The following HIBCH variants were observed in gnomAD, a reference collection of about 807,000 sequenced individuals.
The protein encoded by HIBCH is 3-hydroxyisobutyryl-CoA hydrolase, mitochondrial.
HIBCH carries 50 observed loss-of-function variants against 58.2 expected under a neutral mutation model. The observed-to-expected ratio is 0.86, with a 90% CI of 0.68 to 1.09. The LOEUF is 1.09. Ranked by LOEUF, HIBCH falls within the 50% of genes least tolerant of loss-of-function variation. The pLI is 0.00. For missense variants in HIBCH, 450 were observed against 449.7 expected, an observed-to-expected ratio of 1.00 and a Z score of -0.01; for synonymous variants, 151 against 146.9, an observed-to-expected ratio of 1.03 and a Z score of -0.20.
intron 3 of HIBCH, 86 bp from the exon 4 acceptor site, chr2:190,294,716 A>G: frequency 1.2e-6 from 1 of 825,852 alleles, no homozygotes; most frequent in Non-Finnish European, 2.1e-6. Context: ...ATATTCAATC[A>G]TATATTCATA....
At chr2:190,239,008 G>A (rs1186861738) in intron 11 of HIBCH, among the ~76,000 whole-genome samples, 2 of 152,128 alleles carry the variant, frequency 1.3e-5, no homozygotes, top group East Asian at 1.9e-4. Flanking sequence ...TGTTGCAATT[G>A]CTTTTGGTGG....
chr2:190,208,214 A>G (rs1388196770), intron 13 of HIBCH, among the ~76,000 whole-genome samples: 1 of 152,174 alleles, frequency 6.6e-6, no homozygotes, highest in Non-Finnish European at 1.5e-5. Context: ...TTTCCCCAGC[A>G]ATGTTTAACT....
chr2:190,282,843 C>CAA (rs58381283), intron 6 of HIBCH, among the ~76,000 whole-genome samples: 1 of 140,278 alleles, frequency 7.1e-6, no homozygotes, highest in African/African-American at 2.7e-5. Context: ...ACGAGAAGGC[C>CAA]AAAAAAAAAA....
chr2:190,200,266 TAATGTCACTATTATA>T (rs1300264421), downstream of HIBCH: 1 of 786,834 alleles, frequency 1.3e-6, no homozygotes. Flanking sequence ...GTGTCTACGA[TAATGTCACTATTATA>T]AGAACAACTA....
In HIBCH at chr2:190,290,479, G is replaced by A. The variant is rs747967949; in HGVS notation, c.311C>T (p.Ser104Leu). 7.5e-6 allele frequency: 12 copies of A among 1,594,450 alleles called. No individual in the cohort carries two copies. The highest frequency in any genetic ancestry group is 3.3e-5 in the South Asian group (3 of 90,640). The change falls in exon 5 of 14, where the codon TCG becomes TTG. Residue 104 changes from serine to leucine, a missense_variant. Coordinates refer to ENST00000359678, the MANE Select transcript of HIBCH (RefSeq NM_014362.4). ...FCAGGDIRVI[S>L]EAEKAKQKIA... ...CTTCTGTTTTGCCTTTTCAGCTTCC[G>A]AGATCACTAGGAAGGAAAGATTACA...
At chr2:190,253,224 T>C (rs1177471188) in intron 7 of HIBCH, among the ~76,000 whole-genome samples, 1 of 151,992 alleles carries the variant, frequency 6.6e-6, no homozygotes, top group Non-Finnish European at 1.5e-5. Flanking sequence ...GAAAATAGCA[T>C]ACATACAAGT....
intron 6 of HIBCH, among the ~76,000 whole-genome samples, chr2:190,286,444 T>C (rs1006585547): frequency 6.6e-6 from 1 of 152,074 alleles, no homozygotes; most frequent in Non-Finnish European, 1.5e-5. Context: ...CTATTGTCAA[T>C]CTGTCTTTTG....
chr2:190,230,123 A>AC (rs1686050201), intron 11 of HIBCH, among the ~76,000 whole-genome samples: 2 of 152,176 alleles, frequency 1.3e-5, no homozygotes, highest in Admixed American at 1.3e-4. Context: ...GGTCCCCTAC[A>AC]CTTTTGTAAG....
chr2:190,226,949 A>G (rs1685921401), intron 11 of HIBCH, among the ~76,000 whole-genome samples: 3 of 152,234 alleles, frequency 2.0e-5, no homozygotes, highest in Non-Finnish European at 4.4e-5. Flanking sequence ...AAATGGAAGA[A>G]CATTCCATGC....
intron 6 of HIBCH, among the ~76,000 whole-genome samples, chr2:190,271,202 C>A (rs1347507757): frequency 6.6e-6 from 1 of 151,670 alleles, no homozygotes; most frequent in Non-Finnish European, 1.5e-5. Flanking sequence ...CACATACAAT[C>A]CATCATCAAA....
At chr2:190,195,941 CTTTTTTTTTTT>C (rs35679833) in intron 1 of HIBCH, among the ~76,000 whole-genome samples, 2 of 86,210 alleles carry the variant, frequency 2.3e-5, no homozygotes, top group African/African-American at 8.3e-5. Context: ...CTGTGTCCAG[CTTTTTTTTTTT>C]TTTTTTTTTT....
At position 190,191,278 on chromosome 2, in the gene HIBCH, GACT is replaced by G. The variant is rs199876910; in HGVS notation, c.*18-1284_*18-1282del. On this transcript the variant is annotated intron_variant, in intron 1 of 1. Coordinates refer to the HIBCH transcript ENST00000399855. The stretch of plus-strand genomic sequence containing the variant: ...ATGCCTCAGCCTCCCAAGCAGCTGG[GACT>G]ACAGGTGTGCACCACTATGCCCTGC... Among the ~76,000 whole-genome samples, 130 of 152,192 alleles carry G rather than the reference GACT, an allele frequency of 8.5e-4. 2 individuals carry two copies. The East Asian group carries it at 0.021, about 24-fold the overall frequency.
At chr2:190,235,825 G>C (rs1178302259) in intron 11 of HIBCH, among the ~76,000 whole-genome samples, 1 of 152,108 alleles carries the variant, frequency 6.6e-6, no homozygotes, top group Admixed American at 6.6e-5. Context: ...ATAATAATTT[G>C]TGCCTCTACT....
In HIBCH at chr2:190,210,822, T is replaced by C. The variant is rs1397521132; in HGVS notation, c.1012-1909A>G. Reference sequence around the variant, plus strand: ...GATGCTCTTCCTCTAGATAATGGCATGGGCTCACTTCCTTACTTCTTTCAG... The same window carrying C: ...GATGCTCTTCCTCTAGATAATGGCACGGGCTCACTTCCTTACTTCTTTCAG... On this transcript the variant is annotated intron_variant, in intron 12 of 13. Transcript: ENST00000359678. The surrounding 1 kb of genome is among the most constrained non-coding windows in gnomAD (Gnocchi z 5.5). 3.9e-5 allele frequency among the ~76,000 whole-genome samples: 6 copies of C among 152,208 alleles called. No homozygotes were observed. Among genetic ancestry groups the C allele is most frequent in the African/African-American group, 1.4e-4 (6 of 41,446 alleles).
chr2:190,275,294 G>A (rs1284223417), intron 6 of HIBCH, among the ~76,000 whole-genome samples: 2 of 152,140 alleles, frequency 1.3e-5, no homozygotes. Flanking sequence ...CTACATGTAT[G>A]AAACAAAAAT....
In HIBCH at chr2:190,255,848, A is replaced by AGTGT. The variant is rs374897608; in HGVS notation, c.518-3545_518-3542dup. Among the ~76,000 whole-genome samples, 14 of 151,068 alleles carry AGTGT rather than the reference A, an allele frequency of 9.3e-5. No individual in the cohort carries two copies. In the South Asian group the frequency reaches 2.5e-3, roughly 27 times the overall value. On this transcript the variant is annotated intron_variant, in intron 7 of 13. Coordinates refer to ENST00000359678, the MANE Select transcript of HIBCH (RefSeq NM_014362.4). ...GGAATGGAGAGAGAGAGAGAGAGAG[A>AGTGT]GTGTGTGTGTGTGTCAAGAAACTAC...
chr2:190,310,980 G>A, intron 1 of HIBCH, 184 bp from the exon 2 acceptor site: 1 of 699,194 alleles, frequency 1.4e-6, no homozygotes, highest in Non-Finnish European at 2.6e-6. Context: ...CTTTGCACAT[G>A]AATTTTATGG....
Position 190,304,868 on chromosome 2 carries a change from A to T in HIBCH, c.78+5886T>A, listed in dbSNP as rs1313647158. ...GAACTAAAGCATTTAGAGATAAAAT[A>T]GGACGAATAATGTATCCCTGTGCTG... On this transcript the variant is annotated intron_variant, in intron 2 of 13. Transcript: ENST00000359678. This position sits in a 1 kb window ranked among gnomAD's most constrained non-coding sequence, Gnocchi z 4.1. Among the ~76,000 whole-genome samples the T allele has an allele frequency of 6.6e-6, 1 of 152,228 alleles. No homozygotes were observed. The highest frequency in any genetic ancestry group is 1.5e-5 in the Non-Finnish European group (1 of 68,032).
chr2:190,317,791 T>C (rs889112456), intron 1 of HIBCH, among the ~76,000 whole-genome samples: 5 of 152,062 alleles, frequency 3.3e-5, no homozygotes, highest in Non-Finnish European at 5.9e-5. Flanking sequence ...GTAAGGGTTA[T>C]ACTTACGTGC....
Sources: gnomAD v4.1 joint callset for allele counts (sites outside exome capture counted in the v4.1 genomes callset) on GRCh38, gnomAD v4.1.1 for gene constraint, Gnocchi (gnomAD v3.1) non-coding constraint, MANE v1.5 for transcripts, NCBI Gene and HGNC (gene_info 2026-07-23, HGNC 2026-07-21) for gene names.